Variants in PATJ observed in about 807,000 individuals in gnomAD.
The protein encoded by PATJ is inaD-like protein.
PATJ carries 190 observed loss-of-function variants against 224.9 expected under a neutral mutation model. That is an observed-to-expected ratio of 0.84 (90% CI 0.75 to 0.95). The LOEUF (loss-of-function observed/expected upper bound fraction) is 0.95, where lower values mean the gene tolerates loss of function less well. Ranked by LOEUF, PATJ falls within the 40% of genes least tolerant of loss-of-function variation. PATJ has a pLI of 0.00. For synonymous variants in PATJ, 769 were observed against 820.3 expected (o/e 0.94, Z 1.07); for missense variants, 2,121 against 2,270.3 (o/e 0.93, Z 1.34).
chr1:61,973,713 C>G (rs567483714), intron 27 of PATJ, among the ~76,000 whole-genome samples: 4 of 151,916 alleles, frequency 2.6e-5, no homozygotes, highest in Non-Finnish European at 5.9e-5. Context: ...TCACCACTTT[C>G]ATAGTGATTA....
At chr1:62,160,490 T>A (rs1669738526) in intron 43 of PATJ, among the ~76,000 whole-genome samples, 1 of 152,232 alleles carries the variant, frequency 6.6e-6, no homozygotes, top group African/African-American at 2.4e-5. Context: ...AGCTTAATAA[T>A]GCAATGGGAA....
intron 27 of PATJ, among the ~76,000 whole-genome samples, chr1:61,977,443 G>T (rs577440452): frequency 6.6e-6 from 1 of 152,024 alleles, no homozygotes; most frequent in Non-Finnish European, 1.5e-5. Flanking sequence ...AAGGTGGAAG[G>T]TTTAAAAGGT....
At chr1:62,154,148 G>A (rs1035315129) in intron 43 of PATJ, among the ~76,000 whole-genome samples, 1 of 152,026 alleles carries the variant, frequency 6.6e-6, no homozygotes, top group African/African-American at 2.4e-5. Context: ...CACCTGCCTC[G>A]GCCATCTAAA....
intron 41 of PATJ, among the ~76,000 whole-genome samples, chr1:62,145,533 TG>T (rs1459750863): frequency 6.6e-6 from 1 of 152,078 alleles, no homozygotes; most frequent in Non-Finnish European, 1.5e-5. Flanking sequence ...TGGTGGTGCA[TG>T]CCGGTAGTCC....
In PATJ at chr1:61,830,610, A is replaced by G. The variant is rs1445202431; in HGVS notation, c.1980+3027A>G. On this transcript the variant is annotated intron_variant, in intron 16 of 43. Transcript: ENST00000642238. Reference sequence around the variant, plus strand: ...AAAAGAACAAAGCCAGAGGTATCACACTACCCAACTTCAAACTATGTAGTA... The same window carrying G: ...AAAAGAACAAAGCCAGAGGTATCACGCTACCCAACTTCAAACTATGTAGTA... 2.0e-5 allele frequency among the ~76,000 whole-genome samples: 3 copies of G among 151,684 alleles called. No individual in the cohort carries two copies. The East Asian group carries it at 5.8e-4, about 29-fold the overall frequency.
At chr1:61,849,427 C>T (rs1308835246) in intron 17 of PATJ, among the ~76,000 whole-genome samples, 1 of 152,080 alleles carries the variant, frequency 6.6e-6, no homozygotes, top group Non-Finnish European at 1.5e-5. Context: ...GACCACATCT[C>T]TACAAAAATT....
chr1:62,108,470 G>A lies in PATJ; in HGVS notation c.4411G>A (p.Gly1471Arg). The A allele has an allele frequency of 6.2e-7, 1 of 1,610,264 alleles. No individual in the cohort carries two copies. The highest frequency in any genetic ancestry group is 8.5e-7 in the Non-Finnish European group (1 of 1,177,234). Residue 1471 changes from glycine (G) to arginine (R), a missense_variant, in exon 34 of 44, where the codon GGG (glycine) becomes AGG (arginine). Physicochemically the swap from Gly to Arg is moderately radical, Grantham distance 125. Coordinates refer to ENST00000642238, the MANE Select transcript of PATJ (RefSeq NM_001350145.3). ...AGTTATCCATGAAGTCTATGAAGAA[G>A]GGGCAGCAGCCAGAGATGGAAGACT... ...AIVIHEVYEE[G>R]AAARDGRLWA...
Position 62,114,095 on chromosome 1 carries a change from A to G in PATJ, c.4504A>G (p.Ile1502Val), listed in dbSNP as rs1478400693. 1.2e-6 allele frequency: 2 copies of G among 1,614,138 alleles called. No individual in the cohort carries two copies. Among genetic ancestry groups the G allele is most frequent in the Non-Finnish European group, 1.7e-6 (2 of 1,179,996 alleles). The change falls in exon 35 of 44, where the codon ATC (isoleucine) becomes GTC (valine). Residue 1502 changes from isoleucine to valine, a missense_variant. Physicochemically the swap from Ile to Val is conservative, Grantham distance 29. Coordinates refer to ENST00000642238, the MANE Select transcript of PATJ (RefSeq NM_001350145.3). ...GAGGAACTCCAGCCACGAAGAAGCC[A>G]TCACAGCCCTGAGGCAGACCCCCCA... Reference protein sequence around the residue: ...DLRNSSHEEAITALRQTPQKV... With the variant: ...DLRNSSHEEAVTALRQTPQKV...
rs558635982 is a variant in PATJ, at chr1:61,768,270, C to A, written c.385-1013C>A. Among the ~76,000 whole-genome samples the A allele has an allele frequency of 5.1e-4, 77 of 151,914 alleles. 2 individuals are homozygous for A. The highest frequency in any genetic ancestry group is 6.8e-3 in the Middle Eastern group (2 of 292). ...GGATCACGAGGTCAGGAGATCGAGA[C>A]CATCCTGGCTAACACGGTGAAACCC... On this transcript the variant is annotated intron_variant, in intron 4 of 43. Transcript: ENST00000642238.
At chr1:62,094,696 A>G (rs1661191254) in intron 33 of PATJ, among the ~76,000 whole-genome samples, 2 of 152,078 alleles carry the variant, frequency 1.3e-5, no homozygotes, top group Non-Finnish European at 1.5e-5. Flanking sequence ...TGCTGTTATA[A>G]TGCCCACTTA....
At chr1:61,812,433 A>AGTGTGTGTGTGT (rs71050167) in intron 14 of PATJ, among the ~76,000 whole-genome samples, 214 of 85,190 alleles carry the variant, frequency 2.5e-3, no homozygotes, top group East Asian at 0.011. Flanking sequence ...AGAGAGAGAG[A>AGTGTGTGTGTGT]GTGTGTGTGT....
intron 38 of PATJ, among the ~76,000 whole-genome samples, chr1:62,122,801 G>T (rs952570727): frequency 3.3e-5 from 5 of 151,690 alleles, no homozygotes; most frequent in Admixed American, 2.0e-4. Context: ...TCCAGCCTGG[G>T]TGACAAAGCG....
intron 28 of PATJ, among the ~76,000 whole-genome samples, chr1:62,000,287 T>C (rs1404221168): frequency 6.6e-6 from 1 of 151,026 alleles, no homozygotes; most frequent in Non-Finnish European, 1.5e-5. Flanking sequence ...CATGCTGGTG[T>C]GCTGCACCCA....
intron 16 of PATJ, among the ~76,000 whole-genome samples, chr1:61,831,700 G>A (rs1659355067): frequency 6.6e-6 from 1 of 152,196 alleles, no homozygotes; most frequent in African/African-American, 2.4e-5. Context: ...GGGAGGTTGT[G>A]GAGAAAAGGA....
chr1:61,936,432 CAAAAAA>C (rs11455787), intron 27 of PATJ, among the ~76,000 whole-genome samples: 3 of 92,734 alleles, frequency 3.2e-5, no homozygotes, highest in Admixed American at 1.3e-4. Flanking sequence ...CTTCCAAGAC[CAAAAAA>C]AAAAAAAAAA....
intron 7 of PATJ, among the ~76,000 whole-genome samples, chr1:61,783,412 T>C (rs1189323203): frequency 6.8e-6 from 1 of 147,546 alleles, no homozygotes; most frequent in Non-Finnish European, 1.5e-5. Context: ...TTTTTTCCTT[T>C]CTTTTCTTTT....
At chr1:62,159,533 A>G (rs2149075761) in intron 43 of PATJ, among the ~76,000 whole-genome samples, 1 of 149,388 alleles carries the variant, frequency 6.7e-6, no homozygotes, top group Admixed American at 6.8e-5. Context: ...TTTTGCCCAC[A>G]GTATAGACCT....
At chr1:62,064,228 A>G (rs547653886) in intron 31 of PATJ, among the ~76,000 whole-genome samples, 1 of 152,248 alleles carries the variant, frequency 6.6e-6, no homozygotes, top group East Asian at 1.9e-4. Flanking sequence ...ATTTTATCGA[A>G]AGCTTTTTCT....
chr1:61,792,156 A>T (rs1650017160), intron 9 of PATJ, among the ~76,000 whole-genome samples: 1 of 152,210 alleles, frequency 6.6e-6, no homozygotes, highest in East Asian at 1.9e-4. Flanking sequence ...GCATACTTAC[A>T]GCAGGTGGAA....
Sources: gnomAD v4.1 joint callset for allele counts (sites outside exome capture counted in the v4.1 genomes callset) on GRCh38, gnomAD v4.1.1 for gene constraint, MANE v1.5 for transcripts, NCBI Gene and HGNC (gene_info 2026-07-23, HGNC 2026-07-21) for gene names.